The following CLVS1 variants were observed in gnomAD, a reference collection of about 807,000 sequenced individuals.
The protein encoded by CLVS1 is clavesin-1.
CLVS1 carries 10 observed loss-of-function variants against 33.1 expected under a neutral mutation model. The ratio of observed to expected loss-of-function variants is 0.30; its 90% CI spans 0.19 to 0.51. CLVS1 has a LOEUF of 0.51. Ranked by LOEUF, CLVS1 falls within the 20% of genes least tolerant of loss-of-function variation. CLVS1 has a pLI of 0.97. For missense variants in CLVS1, 343 were observed against 433.4 expected, an observed-to-expected ratio of 0.79 and a Z score of 1.85; for synonymous variants, 163 against 166.1, an observed-to-expected ratio of 0.98 and a Z score of 0.14.
chr8:61,169,638 C>G (rs573288205), intron 2 of CLVS1, among the ~76,000 whole-genome samples: 12 of 152,308 alleles, frequency 7.9e-5, no homozygotes, highest in African/African-American at 2.9e-4. Flanking sequence ...TATTTTGTCC[C>G]AGGCCGTTGT....
intron 2 of CLVS1, among the ~76,000 whole-genome samples, chr8:61,240,008 C>A (rs1372478687): frequency 6.6e-6 from 1 of 152,092 alleles, no homozygotes; most frequent in Non-Finnish European, 1.5e-5. Context: ...CCCCAGTAAG[C>A]CACTAGACGA....
intron 1 of CLVS1, among the ~76,000 whole-genome samples, chr8:61,103,278 C>G (rs1045570720): frequency 6.6e-6 from 1 of 152,162 alleles, no homozygotes; most frequent in African/African-American, 2.4e-5. Flanking sequence ...AAAAGGCAAC[C>G]AACCATTTAA....
chr8:61,262,042 GTCT>G (rs1202345921), intron 2 of CLVS1, among the ~76,000 whole-genome samples: 18 of 150,862 alleles, frequency 1.2e-4, no homozygotes, highest in East Asian at 3.9e-4. Flanking sequence ...TGGAGACAGG[GTCT>G]TCTTCTGTTG....
chr8:61,210,944 C>A (rs538437098), intron 2 of CLVS1, among the ~76,000 whole-genome samples: 51 of 151,480 alleles, frequency 3.4e-4, no homozygotes, highest in Admixed American at 2.3e-3. Context: ...GAGAGGGAGA[C>A]TTCCTACCAA....
chr8:61,375,088 A>C (rs1448503786), intron 2 of CLVS1, among the ~76,000 whole-genome samples: 2 of 152,076 alleles, frequency 1.3e-5, no homozygotes, highest in African/African-American at 4.8e-5. Flanking sequence ...CTGACTACTC[A>C]AATTGTATTG....
intron 2 of CLVS1, among the ~76,000 whole-genome samples, chr8:61,214,765 A>G (rs1170703075): frequency 6.6e-6 from 1 of 152,180 alleles, no homozygotes; most frequent in Non-Finnish European, 1.5e-5. Context: ...TATGGTTATA[A>G]TTTGATCCAT....
At chr8:61,314,126 G>A (rs1319646692) in intron 2 of CLVS1, among the ~76,000 whole-genome samples, 1 of 152,208 alleles carries the variant, frequency 6.6e-6, no homozygotes, top group Non-Finnish European at 1.5e-5. Context: ...TGTTCAGGAT[G>A]CTGCTTTTCC....
At chr8:61,412,836 G>GA in intron 3 of CLVS1, among the ~76,000 whole-genome samples, 1 of 152,100 alleles carries the variant, frequency 6.6e-6, no homozygotes, top group South Asian at 2.1e-4. Flanking sequence ...GTCAAGAACT[G>GA]GTATTAAGAA....
At chr8:61,349,212 T>C (rs1370775788) in intron 2 of CLVS1, among the ~76,000 whole-genome samples, 1 of 151,952 alleles carries the variant, frequency 6.6e-6, no homozygotes, top group Non-Finnish European at 1.5e-5. Flanking sequence ...CAGAAGCTTT[T>C]TAGTTTGAGA....
At chr8:61,491,432 C>T (rs1045928860) in intron 5 of CLVS1, among the ~76,000 whole-genome samples, 1 of 152,164 alleles carries the variant, frequency 6.6e-6, no homozygotes, top group Non-Finnish European at 1.5e-5. Context: ...AGCCAGTCAT[C>T]TGCAGTCATA....
At chr8:61,016,327 C>T in the CLVS1 span, among the ~76,000 whole-genome samples, 1 of 152,236 alleles carries the variant, frequency 6.6e-6, no homozygotes, top group South Asian at 2.1e-4. Flanking sequence ...GGATGTGATG[C>T]TGTGGAGGCC....
At chr8:61,295,570 T>C (rs1024409265) in intron 1 of CLVS1, among the ~76,000 whole-genome samples, 3 of 152,266 alleles carry the variant, frequency 2.0e-5, no homozygotes, top group East Asian at 1.9e-4. Context: ...ATGGTAAGTT[T>C]GAAAGGAATT....
chr8:61,474,393 G>T (rs1817839063), intron 5 of CLVS1, among the ~76,000 whole-genome samples: 1 of 152,218 alleles, frequency 6.6e-6, no homozygotes, highest in African/African-American at 2.4e-5. Context: ...GGGCTCAGAA[G>T]TAGGTAGGAT....
chr8:61,482,207 C>T (rs1170021652), intron 5 of CLVS1, among the ~76,000 whole-genome samples: 1 of 152,196 alleles, frequency 6.6e-6, no homozygotes, highest in Non-Finnish European at 1.5e-5. Context: ...ACGTCACCAA[C>T]ATCAAAGACC....
chr8:61,237,993 A>G (rs1808604321), intron 2 of CLVS1, among the ~76,000 whole-genome samples: 1 of 152,166 alleles, frequency 6.6e-6, no homozygotes, highest in South Asian at 2.1e-4. Context: ...TGAATTAGCT[A>G]AAGAGACAGT....
chr8:61,158,530 TTGTC>T (rs1232579311), intron 2 of CLVS1, among the ~76,000 whole-genome samples: 1 of 152,110 alleles, frequency 6.6e-6, no homozygotes, highest in Non-Finnish European at 1.5e-5. Flanking sequence ...GTAGCTTTGA[TTGTC>T]TTGTAAGTGG....
upstream of CLVS1, among the ~76,000 whole-genome samples, chr8:61,052,638 G>A (rs1222067710): frequency 1.3e-5 from 2 of 152,206 alleles, no homozygotes; most frequent in African/African-American, 4.8e-5. Context: ...GGCTGACCAG[G>A]AAGCCCATGT....
At chr8:61,241,429 G>C (rs1049694183) in intron 2 of CLVS1, among the ~76,000 whole-genome samples, 2 of 151,732 alleles carry the variant, frequency 1.3e-5, no homozygotes, top group African/African-American at 4.8e-5. Flanking sequence ...AATTCAGTTT[G>C]CTAACTTTTT....
rs1443004057 is a variant in CLVS1 at position 61,203,245 on chromosome 8, T to C, written c.-152+71385T>C. The C allele has an allele frequency of 6.8e-6, 7 of 1,027,980 alleles. No individual in the cohort carries two copies. In the East Asian group the frequency reaches 1.7e-4, roughly 24 times the overall value. The allele number at this position is 1,027,980 out of a possible 1,614,324, so 63.7% of individuals were successfully genotyped here. A position where few individuals can be genotyped will look rare whatever the true frequency, so the allele number is the denominator to read the frequency against. On this transcript the variant is annotated intron_variant, in intron 2 of 2. Coordinates refer to the CLVS1 transcript ENST00000522621. ...CTCTTTAAGAAAATAGTTTAAACAATTTGTTAAAAATTTTCCGTCTTATTT... is the reference window on the plus strand; with the variant it reads ...CTCTTTAAGAAAATAGTTTAAACAACTTGTTAAAAATTTTCCGTCTTATTT...
Sources: gnomAD v4.1 joint callset for allele counts (sites outside exome capture counted in the v4.1 genomes callset) on GRCh38, gnomAD v4.1.1 for gene constraint, MANE v1.5 for transcripts, NCBI Gene and HGNC (gene_info 2026-07-23, HGNC 2026-07-21) for gene names.